Variants in DNAJC21 observed in about 807,000 individuals in gnomAD.
The protein encoded by DNAJC21 is dnaJ homolog subfamily C member 21.
DNAJC21 carries 63 observed loss-of-function variants against 72.4 expected under a neutral mutation model. That is an observed-to-expected ratio of 0.87 (90% CI 0.71 to 1.07). The LOEUF is 1.07. DNAJC21 is among the 50% of genes least tolerant of loss of function. The pLI is 0.00. For synonymous variants in DNAJC21, 203 were observed against 216.7 expected, an observed-to-expected ratio of 0.94 and a Z score of 0.56; for missense variants, 634 against 644.8, an observed-to-expected ratio of 0.98 and a Z score of 0.18.
chr5:34,947,620 C>G (rs1470283830), intron 9 of DNAJC21, among the ~76,000 whole-genome samples: 2 of 147,970 alleles, frequency 1.4e-5, no homozygotes, highest in African/African-American at 2.5e-5. Flanking sequence ...AGGAGAGGAT[C>G]CAGCTTTATC....
rs1765504881 is a variant in DNAJC21, at chr5:34,955,423, A to C, written c.*709A>C. 6.6e-6 allele frequency: 1 copy of C among 152,274 alleles called. No homozygotes were observed. Among genetic ancestry groups the C allele is most frequent in the Non-Finnish European group, 1.5e-5 (1 of 68,060 alleles). The allele number at this position is 152,274 out of a possible 1,614,324, so 9.4% of individuals were successfully genotyped here. ...TACATGGCATGTCCTCCCTAGGCAC[A>C]GTGACAGCTGTAAAGTATGACGGAA... On this transcript the variant is annotated 3_prime_UTR_variant, in exon 12 of 12. Coordinates refer to ENST00000648817, the MANE Select transcript of DNAJC21 (RefSeq NM_001012339.3).
At chr5:34,950,366 T>G (rs1160862384) in intron 10 of DNAJC21, 24 bp downstream of exon 10, 1 of 1,599,712 alleles carries the variant, frequency 6.3e-7, no homozygotes. Flanking sequence ...GCATATTATT[T>G]GTAAATTACT....
In DNAJC21 at chr5:34,958,036, G is replaced by A. The variant is rs777258712; in HGVS notation, c.*3322G>A. On this transcript the variant is annotated 3_prime_UTR_variant, in exon 12 of 12. Coordinates refer to ENST00000648817, the MANE Select transcript of DNAJC21 (RefSeq NM_001012339.3). The stretch of plus-strand genomic sequence containing the variant: ...CTATGGAAGAGGAAGCTGAGCTCAG[G>A]GAGATATGAGCTCCACAGCCACAGC... The A allele has an allele frequency of 1.3e-5, 2 of 152,194 alleles. No individual in the cohort carries two copies. The highest frequency in any genetic ancestry group is 2.1e-4 in the South Asian group (1 of 4,828). 9.4% of individuals were successfully genotyped at this position (152,194 alleles called of 1,614,324 possible).
chr5:34,957,952 A>G lies in DNAJC21; in HGVS notation c.*3238A>G, dbSNP rs544573528. The G allele has an allele frequency of 1.2e-4, 19 of 152,350 alleles. No homozygotes were observed. Among genetic ancestry groups the G allele is most frequent in the African/African-American group, 4.6e-4 (19 of 41,580 alleles). The allele number at this position is 152,350 out of a possible 1,614,324, so 9.4% of individuals were successfully genotyped here. A position where few individuals can be genotyped will look rare whatever the true frequency, so the allele number is the denominator to read the frequency against. ...GTTAAATTTAATGTCTTTATACTAA[A>G]AATATAGGCTCTTGGGATTGGAGAG... On this transcript the variant is annotated 3_prime_UTR_variant, in exon 12 of 12. Coordinates refer to ENST00000648817, the MANE Select transcript of DNAJC21 (RefSeq NM_001012339.3).
At chr5:34,934,917 G>A (rs191809068) in intron 2 of DNAJC21, among the ~76,000 whole-genome samples, 58 of 152,330 alleles carry the variant, frequency 3.8e-4, no homozygotes, top group East Asian at 3.7e-3. Flanking sequence ...AAGGAATTTG[G>A]AGATCTGGTC....
At chr5:34,949,718 A>G (rs1765296615) in intron 9 of DNAJC21, 1 of 1,610,638 alleles carries the variant, frequency 6.2e-7, no homozygotes, top group Non-Finnish European at 8.5e-7. Flanking sequence ...TTCTTTTATA[A>G]TGCCTGTTTG....
chr5:34,946,356 T>C (rs1006572685), intron 9 of DNAJC21, among the ~76,000 whole-genome samples: 1 of 152,168 alleles, frequency 6.6e-6, no homozygotes, highest in African/African-American at 2.4e-5. Context: ...AATGGTATTA[T>C]GTTGTTATAC....
Position 34,935,817 on chromosome 5 carries a change from A to G in DNAJC21, c.299A>G (p.Tyr100Cys), listed in dbSNP as rs1301472003. ...RYFTVTCYSG[Y>C]GDDEKGFYTV... Reference sequence around the variant, plus strand: ...TTCACCGTTACCTGTTATTCTGGTTATGGAGATGATGAAAAGGTAAGATAA... The same window carrying G: ...TTCACCGTTACCTGTTATTCTGGTTGTGGAGATGATGAAAAGGTAAGATAA... The change falls in exon 3 of 12, where the codon TAT becomes TGT. Residue 100 changes from tyrosine (Y) to cysteine (C), a missense_variant. By Grantham distance (194) the Tyr-to-Cys change is radical (BLOSUM62 -2). Transcript: ENST00000648817. 3 of 1,613,888 alleles carry G rather than the reference A, an allele frequency of 1.9e-6. No homozygotes were observed. The highest frequency in any genetic ancestry group is 2.5e-6 in the Non-Finnish European group (3 of 1,179,960).
intron 7 of DNAJC21, among the ~76,000 whole-genome samples, chr5:34,942,733 T>G (rs1200415553): frequency 2.0e-5 from 3 of 152,182 alleles, no homozygotes; most frequent in African/African-American, 7.2e-5. Context: ...CTTACATATA[T>G]AGTGTTCCTT....
chr5:34,933,959 T>C, intron 2 of DNAJC21, 51 bp downstream of exon 2: 1 of 1,545,838 alleles, frequency 6.5e-7, no homozygotes, highest in Admixed American at 1.8e-5. Context: ...TGGGAGCAGT[T>C]ATCAATATAG....
intron 1 of DNAJC21, among the ~76,000 whole-genome samples, chr5:34,930,715 TTCATCA>T (rs1764562635): frequency 1.3e-5 from 2 of 152,218 alleles, no homozygotes; most frequent in African/African-American, 4.8e-5. Flanking sequence ...CATATTAGCA[TTCATCA>T]GTAAACACGG....
In DNAJC21 at chr5:34,929,869, A is replaced by T. The variant is rs761693334; in HGVS notation, c.50A>T (p.Glu17Val). ...GGGGTGCGGCGCGACGCCAGCGAGG[A>T]GGAGCTCAAGAAGGCCTATCGGAAG... ...ALGVRRDASE[E>V]ELKKAYRKLA... The change falls in exon 1 of 12, where the codon GAG becomes GTG. Residue 17 changes from glutamate to valine, a missense_variant. Transcript: ENST00000648817. 2.5e-6 allele frequency: 4 copies of T among 1,573,008 alleles called. No homozygotes were observed. Among genetic ancestry groups the T allele is most frequent in the Non-Finnish European group, 3.4e-6 (4 of 1,160,052 alleles).
At chr5:34,939,492 C>A (rs1764915033) in intron 6 of DNAJC21, among the ~76,000 whole-genome samples, 1 of 151,978 alleles carries the variant, frequency 6.6e-6, no homozygotes, top group Admixed American at 6.6e-5. Context: ...GTCTCGATCT[C>A]CTGACCTCGT....
intron 11 of DNAJC21, 114 bp downstream of exon 11, chr5:34,954,115 A>G (rs1279416543): frequency 3.4e-6 from 3 of 876,316 alleles, no homozygotes; most frequent in Admixed American, 3.1e-5. Context: ...GCCTGCAAAG[A>G]TGTGGATCCA....
intron 6 of DNAJC21, among the ~76,000 whole-genome samples, chr5:34,940,463 C>T (rs1024448273): frequency 6.6e-6 from 1 of 152,068 alleles, no homozygotes; most frequent in South Asian, 2.1e-4. Flanking sequence ...TAATAAATCC[C>T]AAATGACAGT....
Position 34,937,393 on chromosome 5 carries a change from A to G in DNAJC21, c.506A>G (p.Glu169Gly). The G allele has an allele frequency of 1.2e-6, 2 of 1,614,190 alleles. No individual in the cohort carries two copies. Among genetic ancestry groups the G allele is most frequent in the Non-Finnish European group, 1.7e-6 (2 of 1,180,038 alleles). The change falls in exon 5 of 12, where the codon GAA becomes GGA. Residue 169 changes from glutamate to glycine, a missense_variant. Transcript: ENST00000648817. ...CAAAAGAATTTTGCATGGAAGGAAGAATATGATACACGACAGGCTTCAAAC... is the reference window on the plus strand; with the variant it reads ...CAAAAGAATTTTGCATGGAAGGAAGGATATGATACACGACAGGCTTCAAAC... ...CTQKNFAWKE[E>G]YDTRQASNRW...
At chr5:34,939,367 G>A (rs1002858197) in intron 6 of DNAJC21, among the ~76,000 whole-genome samples, 3 of 151,916 alleles carry the variant, frequency 2.0e-5, no homozygotes, top group Non-Finnish European at 2.9e-5. Flanking sequence ...CTGGGTTCAC[G>A]CCATTCTCCT....
At chr5:34,939,934 G>A (rs1441872992) in intron 6 of DNAJC21, among the ~76,000 whole-genome samples, 4 of 152,170 alleles carry the variant, frequency 2.6e-5, no homozygotes, top group Admixed American at 2.6e-4. Flanking sequence ...AAATGACTAG[G>A]AAGTGAAGCG....
At position 34,938,898 on chromosome 5, in the gene DNAJC21, G is replaced by T; in HGVS notation, c.784G>T (p.Ala262Ser). 5.0e-6 allele frequency: 8 copies of T among 1,614,144 alleles called. No individual in the cohort carries two copies. The highest frequency in any genetic ancestry group is 5.9e-6 in the Non-Finnish European group (7 of 1,180,018). ...CAGAGAACAGAGCTGGATGACTATG[G>T]CCAATTTGGAGAAAGAGCTCCAGGA... ...QYREQSWMTM[A>S]NLEKELQEME... The change falls in exon 6 of 12, where the codon GCC becomes TCC. Residue 262 changes from alanine (A) to serine (S), a missense_variant. Coordinates refer to ENST00000648817, the MANE Select transcript of DNAJC21 (RefSeq NM_001012339.3).
Sources: allele counts gnomAD v4.1 joint callset (sites outside exome capture counted in the v4.1 genomes callset), GRCh38; gene constraint gnomAD v4.1.1; transcripts MANE v1.5; gene names NCBI Gene and HGNC (gene_info 2026-07-23, HGNC 2026-07-21).